The following BMAL2 variants were observed in gnomAD, a reference collection of about 807,000 sequenced individuals.
BMAL2 encodes basic helix-loop-helix ARNT-like protein 2.
At chr12:27,376,630 T>A in the BMAL2 span, among the ~76,000 whole-genome samples, 1 of 152,186 alleles carries the variant, frequency 6.6e-6, no homozygotes, top group Non-Finnish European at 1.5e-5. Flanking sequence ...AAACCTATTA[T>A]TTTCTTCAAG....
the BMAL2 span, among the ~76,000 whole-genome samples, chr12:27,367,253 C>T: frequency 2.1e-5 from 3 of 144,750 alleles, no homozygotes; most frequent in Non-Finnish European, 4.5e-5. Context: ...CTAAGTGACT[C>T]GCGGGCAGGT....
the BMAL2 span, among the ~76,000 whole-genome samples, chr12:27,370,439 G>A: frequency 6.6e-6 from 1 of 152,124 alleles, no homozygotes; most frequent in African/African-American, 2.4e-5. Flanking sequence ...ACTATATAGT[G>A]TCTTTCCCCA....
chr12:27,387,325 C>A, the BMAL2 span: 3 of 1,555,166 alleles, frequency 1.9e-6, no homozygotes, highest in African/African-American at 2.7e-5. Context: ...GATCAGGTAT[C>A]CAAAAATGAG....
At chr12:27,415,210 G>C in the BMAL2 span, among the ~76,000 whole-genome samples, 1 of 152,210 alleles carries the variant, frequency 6.6e-6, no homozygotes, top group South Asian at 2.1e-4. Flanking sequence ...TGCTAGGAGA[G>C]TAGGTTTTAG....
chr12:27,395,741 A>G, the BMAL2 span, among the ~76,000 whole-genome samples: 1 of 152,254 alleles, frequency 6.6e-6, no homozygotes, highest in African/African-American at 2.4e-5. Context: ...TTTCAAGAAT[A>G]TCTGGCAAAT....
chr12:27,400,586 T>C, the BMAL2 span: 1 of 1,613,756 alleles, frequency 6.2e-7, no homozygotes, highest in Non-Finnish European at 8.5e-7. Flanking sequence ...GAAGCTGGCC[T>C]CCAAATATTG....
the BMAL2 span, chr12:27,420,344 T>C: frequency 3.1e-6 from 5 of 1,600,276 alleles, no homozygotes; most frequent in Non-Finnish European, 4.3e-6. Flanking sequence ...GTGTGAAATG[T>C]ATGACTTTAC....
chr12:27,378,278 T>G, the BMAL2 span, among the ~76,000 whole-genome samples: 1 of 152,320 alleles, frequency 6.6e-6, no homozygotes, highest in African/African-American at 2.4e-5. Flanking sequence ...TAATAGTGCG[T>G]CTTACAATTG....
At chr12:27,339,583 G>A in the BMAL2 span, among the ~76,000 whole-genome samples, 1 of 151,834 alleles carries the variant, frequency 6.6e-6, no homozygotes, top group African/African-American at 2.4e-5. Flanking sequence ...CAGTGTATTA[G>A]CATTCCCTTT....
At chr12:27,417,123 CTAAG>C in the BMAL2 span, among the ~76,000 whole-genome samples, 12 of 152,140 alleles carry the variant, frequency 7.9e-5, no homozygotes, top group African/African-American at 2.9e-4. Flanking sequence ...GTAAAAATGT[CTAAG>C]TAGTGTACGT....
At chr12:27,400,788 T>A in the BMAL2 span, 35 of 1,585,158 alleles carry the variant, frequency 2.2e-5, no homozygotes, top group Non-Finnish European at 3.0e-5. Context: ...AACATTTACA[T>A]GTTATAATGA....
At chr12:27,383,349 A>AT in the BMAL2 span, among the ~76,000 whole-genome samples, 33,242 of 151,560 alleles carry the variant, frequency 0.22, 4,576 homozygotes, top group African/African-American at 0.39. Context: ...TGTCATTTTG[A>AT]TTTTTTTTTA....
the BMAL2 span, chr12:27,369,993 A>G: frequency 6.5e-4 from 422 of 647,688 alleles, 4 homozygotes; most frequent in South Asian, 5.7e-3. Flanking sequence ...CAGATGTGGT[A>G]TTTTCTCCAC....
the BMAL2 span, among the ~76,000 whole-genome samples, chr12:27,417,759 C>T: frequency 2.6e-5 from 4 of 151,950 alleles, no homozygotes; most frequent in South Asian, 2.1e-4. Context: ...TTTGGGAGGC[C>T]GAGGCGGGCA....
the BMAL2 span, among the ~76,000 whole-genome samples, chr12:27,378,688 T>C: frequency 2.0e-5 from 3 of 152,198 alleles, no homozygotes; most frequent in African/African-American, 7.2e-5. Context: ...TGAATAGTTT[T>C]ATGCAAGGGG....
the BMAL2 span, among the ~76,000 whole-genome samples, chr12:27,366,556 A>G: frequency 6.6e-6 from 1 of 152,244 alleles, no homozygotes; most frequent in Non-Finnish European, 1.5e-5. Context: ...AATTTAGACT[A>G]TAGGTTATTT....
the BMAL2 span, chr12:27,389,992 T>C: frequency 1.4e-6 from 2 of 1,401,446 alleles, no homozygotes; most frequent in South Asian, 1.3e-5. Flanking sequence ...AAAAACTGTT[T>C]CCTTTCTCAA....
the BMAL2 span, among the ~76,000 whole-genome samples, chr12:27,387,567 A>G: frequency 1.3e-5 from 2 of 152,188 alleles, no homozygotes; most frequent in African/African-American, 4.8e-5. Context: ...CTATGTAAAA[A>G]GTCAAAATGA....
At chr12:27,416,655 A>G in the BMAL2 span, among the ~76,000 whole-genome samples, 2 of 152,180 alleles carry the variant, frequency 1.3e-5, no homozygotes, top group Admixed American at 6.5e-5. Flanking sequence ...ACAGACAGAA[A>G]CTTGAAAATA....
Sources: allele counts gnomAD v4.1 joint callset (sites outside exome capture counted in the v4.1 genomes callset), GRCh38; gene constraint gnomAD v4.1.1; transcripts MANE v1.5; gene names NCBI Gene and HGNC (gene_info 2026-07-23, HGNC 2026-07-21).